ADGRV1: variants seen among roughly 807,000 people sequenced by gnomAD.
The protein encoded by ADGRV1 is G-protein coupled receptor 98.
In ADGRV1, 359 loss-of-function variants were observed where a neutral mutation model predicts 596.2. The observed-to-expected ratio is 0.60, with a 90% CI of 0.55 to 0.66. ADGRV1 has a LOEUF of 0.66. Ranked by LOEUF, ADGRV1 falls within the 30% of genes least tolerant of loss-of-function variation. The pLI, the probability that ADGRV1 is intolerant of heterozygous loss-of-function variation, is 0.00. For missense variants in ADGRV1, 7,274 were observed against 7,575.6 expected (o/e 0.96, Z 1.48); for synonymous variants, 2,681 against 2,679.2 (o/e 1.00, Z -0.02).
chr5:90,934,037 GA>G (rs1775475733), intron 83 of ADGRV1, among the ~76,000 whole-genome samples: 1 of 152,164 alleles, frequency 6.6e-6, no homozygotes, highest in Non-Finnish European at 1.5e-5. Context: ...AACTATTTCA[GA>G]AAAGTAGCCA....
intron 1 of ADGRV1, among the ~76,000 whole-genome samples, chr5:90,609,920 T>A (rs1174001840): frequency 6.6e-6 from 1 of 152,022 alleles, no homozygotes; most frequent in African/African-American, 2.4e-5. Context: ...ACTTTCAAAT[T>A]GAGGGAAGGT....
chr5:90,643,806 G>T lies in ADGRV1; in HGVS notation c.2557G>T (p.Asp853Tyr). 1 of 1,596,324 alleles carries T rather than the reference G, an allele frequency of 6.3e-7. No homozygotes were observed. The highest frequency in any genetic ancestry group is 1.1e-5 in the South Asian group (1 of 87,132). ...LARLDGIPELDEHYWVVLSSH... is the reference protein window; with the variant it reads ...LARLDGIPELYEHYWVVLSSH... The stretch of plus-strand genomic sequence containing the variant: ...TACTTTGACACATTCACTTTAGTTG[G>T]ATGAACACTACTGGGTGGTCCTCAG... The change falls in exon 14 of 90, where the codon GAT becomes TAT. Residue 853 changes from aspartate to tyrosine, a missense_variant. Asp to Tyr is a radical substitution (Grantham distance 160). Coordinates refer to ENST00000405460, the MANE Select transcript of ADGRV1 (RefSeq NM_032119.4).
chr5:91,019,480 A>C (rs975082427), intron 85 of ADGRV1, among the ~76,000 whole-genome samples: 2 of 152,052 alleles, frequency 1.3e-5, no homozygotes, highest in African/African-American at 2.4e-5. Context: ...ACTTTAGAGC[A>C]AAGTGAGACC....
rs531507920 is a variant in ADGRV1, at chr5:90,894,790, AT to A, written c.17856+30938del. On this transcript the variant is annotated intron_variant, in intron 83 of 89. Coordinates refer to ENST00000405460, the MANE Select transcript of ADGRV1 (RefSeq NM_032119.4). ...TTTCACCTTCAACTTCTTCAAGGTG[AT>A]TTTTGATTAAATGAGGAATGTCCAT... 4.0e-3 allele frequency among the ~76,000 whole-genome samples: 608 copies of A among 152,260 alleles called. 4 individuals are homozygous for A. Among genetic ancestry groups the A allele is most frequent in the African/African-American group, 0.014 (589 of 41,564 alleles).
At chr5:90,629,621 T>C (rs1451594453) in intron 9 of ADGRV1, 82 bp downstream of exon 9, 1 of 1,037,232 alleles carries the variant, frequency 9.6e-7, no homozygotes, top group East Asian at 2.4e-5. Flanking sequence ...CTGAACATTA[T>C]TTTGACCTTG....
At chr5:90,587,560 T>C (rs868354081) in intron 1 of ADGRV1, among the ~76,000 whole-genome samples, 2,003 of 150,802 alleles carry the variant, frequency 0.013, 39 homozygotes, top group African/African-American at 0.046. Context: ...TGTGTCTTTT[T>C]TTTTTTTTTT....
In ADGRV1 at chr5:91,073,315, A is replaced by G. The variant is rs114921524; in HGVS notation, c.18310+711A>G. On this transcript the variant is annotated intron_variant, in intron 86 of 89. Coordinates refer to ENST00000405460, the MANE Select transcript of ADGRV1 (RefSeq NM_032119.4). ...ATTAGGGAGCAGCTTAAGAGCTGGG[A>G]GTAGAGGATCCCTCTTGGGCCAATG... 8.3e-3 allele frequency among the ~76,000 whole-genome samples: 1,257 copies of G among 152,316 alleles called. 19 individuals are homozygous for G. Among genetic ancestry groups the G allele is most frequent in the African/African-American group, 0.029 (1,192 of 41,560 alleles).
intron 1 of ADGRV1, among the ~76,000 whole-genome samples, chr5:90,591,658 A>C (rs1177559819): frequency 6.6e-6 from 1 of 152,202 alleles, no homozygotes; most frequent in East Asian, 1.9e-4. Flanking sequence ...AAAGTCAACT[A>C]ATCCGGGACA....
intron 85 of ADGRV1, among the ~76,000 whole-genome samples, chr5:91,026,284 T>C (rs1784012616): frequency 1.3e-5 from 2 of 152,170 alleles, no homozygotes; most frequent in African/African-American, 2.4e-5. Flanking sequence ...ATATGAAATA[T>C]TTCATTTGAG....
chr5:90,955,314 G>A (rs1777378497), intron 83 of ADGRV1, among the ~76,000 whole-genome samples: 1 of 152,022 alleles, frequency 6.6e-6, no homozygotes, highest in African/African-American at 2.4e-5. Flanking sequence ...TATTTTTCTT[G>A]CTTTCTGTCT....
At chr5:90,985,212 T>TA (rs1780388938) in intron 84 of ADGRV1, 132 bp from the exon 85 acceptor site, 1 of 527,900 alleles carries the variant, frequency 1.9e-6, no homozygotes, top group Admixed American at 3.7e-5. Flanking sequence ...TGAACTAACT[T>TA]AAAAAAATCA....
intron 83 of ADGRV1, among the ~76,000 whole-genome samples, chr5:90,955,476 G>C (rs914843029): frequency 7.2e-5 from 11 of 152,072 alleles, no homozygotes; most frequent in African/African-American, 2.7e-4. Flanking sequence ...ACCTGAAATA[G>C]AATGTGATTT....
intron 25 of ADGRV1, among the ~76,000 whole-genome samples, chr5:90,678,027 G>A (rs1414006504): frequency 1.3e-5 from 2 of 152,170 alleles, no homozygotes; most frequent in African/African-American, 2.4e-5. Flanking sequence ...TATATATGGT[G>A]TTGAACTTCT....
chr5:90,745,163 T>G lies in ADGRV1; in HGVS notation c.10667T>G (p.Val3556Gly). The G allele has an allele frequency of 6.2e-7, 1 of 1,613,430 alleles. No individual in the cohort carries two copies. The stretch of plus-strand genomic sequence containing the variant: ...GCTTATGATGTGGCTTCTGTTACAG[T>G]AAAGTCCCTTAATTCAAGCAAGAAT... ...PSAYDVASVT[V>G]KSLNSSKNLI... Residue 3556 changes from valine (V) to glycine (G), a missense_variant, in exon 51 of 90, where the codon GTA (valine) becomes GGA (glycine). Val to Gly is a moderately radical substitution (Grantham distance 109). This residue lies in a region of ADGRV1 where 3,643 missense variants were observed against 3,809.2 expected (regional missense o/e 0.96). Transcript: ENST00000405460.
chr5:91,002,756 C>T (rs1781952056), intron 85 of ADGRV1, among the ~76,000 whole-genome samples: 1 of 152,052 alleles, frequency 6.6e-6, no homozygotes, highest in Non-Finnish European at 1.5e-5. Context: ...TTGTCCAATA[C>T]ATGAAGTTAT....
intron 77 of ADGRV1, among the ~76,000 whole-genome samples, chr5:90,839,343 T>C (rs943392584): frequency 1.3e-5 from 2 of 152,204 alleles, no homozygotes; most frequent in African/African-American, 4.8e-5. Context: ...GCGTCCCCAG[T>C]AGTTGGAATT....
At chr5:90,767,526 G>A (rs1757270805) in intron 59 of ADGRV1, among the ~76,000 whole-genome samples, 1 of 152,096 alleles carries the variant, frequency 6.6e-6, no homozygotes, top group South Asian at 2.1e-4. Flanking sequence ...ATGTGAAATT[G>A]GCTCTAGCAG....
intron 81 of ADGRV1, among the ~76,000 whole-genome samples, chr5:90,854,794 C>G (rs1411983714): frequency 2.0e-5 from 3 of 152,176 alleles, no homozygotes; most frequent in African/African-American, 7.2e-5. Context: ...GGGTTCCTGT[C>G]AGCCACTTGA....
intron 11 of ADGRV1, among the ~76,000 whole-genome samples, chr5:90,639,595 T>C (rs981778033): frequency 2.0e-5 from 3 of 152,174 alleles, no homozygotes; most frequent in Admixed American, 1.3e-4. Flanking sequence ...AATCATGAGG[T>C]AGAAAATTTC....
Sources: allele counts gnomAD v4.1 joint callset (sites outside exome capture counted in the v4.1 genomes callset), GRCh38; gene constraint gnomAD v4.1.1; regional missense constraint gnomAD v4.1.1; transcripts MANE v1.5; gene names NCBI Gene and HGNC (gene_info 2026-07-23, HGNC 2026-07-21).